The following ANKRD28 variants were observed in gnomAD, a reference collection of about 807,000 sequenced individuals.
ANKRD28 encodes the protein serine/threonine-protein phosphatase 6 regulatory ankyrin repeat subunit A.
A neutral mutation model predicts 126.5 loss-of-function variants in ANKRD28; 44 were observed. The observed-to-expected ratio is 0.35, with a 90% CI of 0.27 to 0.45. The LOEUF (loss-of-function observed/expected upper bound fraction) is 0.45, where lower values mean the gene tolerates loss of function less well. Ranked by LOEUF, ANKRD28 falls within the 20% of genes least tolerant of loss-of-function variation. The pLI, the probability that ANKRD28 is intolerant of heterozygous loss-of-function variation, is 1.00. For missense variants in ANKRD28, 1,110 were observed against 1,316.6 expected, an observed-to-expected ratio of 0.84 and a Z score of 2.43; for synonymous variants, 442 against 468.5, an observed-to-expected ratio of 0.94 and a Z score of 0.73.
In ANKRD28 at chr3:15,735,504, T is replaced by C. The variant is rs779401431; in HGVS notation, c.553-7A>G. 6.5e-7 allele frequency: 1 copy of C among 1,544,794 alleles called. No individual in the cohort carries two copies. Among genetic ancestry groups the C allele is most frequent in the Admixed American group, 2.0e-5 (1 of 50,724 alleles). ...ACAAGAGTAGTTTGACCATCTGGAATAGAAGTAAACACAGTGTCATCAAAA... is the reference window on the plus strand; with the variant it reads ...ACAAGAGTAGTTTGACCATCTGGAACAGAAGTAAACACAGTGTCATCAAAA... On this transcript the variant is annotated splice_region_variant and splice_polypyrimidine_tract_variant and intron_variant, in intron 5 of 27. Coordinates refer to ENST00000683139, the MANE Select transcript of ANKRD28 (RefSeq NM_001349278.2).
chr3:15,826,131 G>C (rs2061060899), intron 1 of ANKRD28, among the ~76,000 whole-genome samples: 1 of 152,150 alleles, frequency 6.6e-6, no homozygotes. Context: ...CATTATACTA[G>C]AATTTCTACA....
At chr3:15,676,808 T>C in intron 26 of ANKRD28, 166 bp downstream of exon 26, 1 of 507,692 alleles carries the variant, frequency 2.0e-6, no homozygotes, top group Non-Finnish European at 3.4e-6. Context: ...TAATATGGCT[T>C]TTAGTTGTGA....
At chr3:15,688,227 G>C (rs1652451823) in intron 18 of ANKRD28, among the ~76,000 whole-genome samples, 1 of 152,144 alleles carries the variant, frequency 6.6e-6, no homozygotes, top group South Asian at 2.1e-4. Flanking sequence ...AATTTTTCTA[G>C]CTATAGATTA....
chr3:15,853,494 G>C lies in ANKRD28; in HGVS notation c.27+5883C>G, dbSNP rs889027892. 1.3e-5 allele frequency among the ~76,000 whole-genome samples: 2 copies of C among 151,640 alleles called. No individual in the cohort carries two copies. The highest frequency in any genetic ancestry group is 2.9e-5 in the Non-Finnish European group (2 of 67,942). ...TTTTTGTTTTTTTGTTTTTGAGATG[G>C]AGTCTCATTCTGTCGCCCAGGCTGG... On this transcript the variant is annotated intron_variant, in intron 1 of 27. Coordinates refer to the ANKRD28 transcript ENST00000399451. This position sits in a 1 kb window ranked among gnomAD's most constrained non-coding sequence, Gnocchi z 4.2.
intron 1 of ANKRD28, among the ~76,000 whole-genome samples, chr3:15,844,416 G>A (rs1368286899): frequency 1.3e-5 from 2 of 151,742 alleles, no homozygotes. Flanking sequence ...AAAGAAGTGG[G>A]AGAACTGACA....
chr3:15,702,376 CT>C, intron 14 of ANKRD28, among the ~76,000 whole-genome samples: 1 of 152,140 alleles, frequency 6.6e-6, no homozygotes. Flanking sequence ...TCTGTATACT[CT>C]TTTTTCTGTT....
chr3:15,780,989 A>C (rs796687495), intron 2 of ANKRD28, among the ~76,000 whole-genome samples: 2 of 152,094 alleles, frequency 1.3e-5, no homozygotes, highest in African/African-American at 2.4e-5. Flanking sequence ...GGGAAGCACC[A>C]CAATACTGGT....
chr3:15,670,242 C>T lies in ANKRD28; in HGVS notation c.*28G>A. On this transcript the variant is annotated 3_prime_UTR_variant, in exon 28 of 28. Transcript: ENST00000683139. ...TGAAAAAGCACAGTTTGAAGCTTTA[C>T]TGTGAGAACTCCCTCCTCCTCAGCC... 1.2e-6 allele frequency: 2 copies of T among 1,604,146 alleles called. No homozygotes were observed. The highest frequency in any genetic ancestry group is 1.7e-6 in the Non-Finnish European group (2 of 1,172,430).
intron 21 of ANKRD28, among the ~76,000 whole-genome samples, chr3:15,681,278 G>C (rs1301041670): frequency 1.3e-5 from 2 of 152,132 alleles, no homozygotes; most frequent in Non-Finnish European, 2.9e-5. Context: ...GTCTGTACAT[G>C]TTCAGCCTAA....
intron 2 of ANKRD28, 23 bp downstream of exon 2, chr3:15,795,200 C>T (rs769164354): frequency 9.4e-6 from 14 of 1,485,804 alleles, no homozygotes; most frequent in Non-Finnish European, 1.3e-5. Context: ...TAAAGGCTGG[C>T]ATCAGTGAAT....
At chr3:15,821,054 T>C (rs758703136) in intron 1 of ANKRD28, among the ~76,000 whole-genome samples, 63 of 152,218 alleles carry the variant, frequency 4.1e-4, no homozygotes, top group Non-Finnish European at 7.8e-4. Flanking sequence ...CTCCTATCCA[T>C]TGCCGGATGT....
At chr3:15,720,765 G>T (rs2073642766) in intron 8 of ANKRD28, 150 bp downstream of exon 8, 2 of 736,524 alleles carry the variant, frequency 2.7e-6, no homozygotes, top group South Asian at 4.1e-5. Flanking sequence ...ATACTCTTGA[G>T]TAAGGCTTTC....
At chr3:15,690,253 T>C (rs1333159060) in intron 17 of ANKRD28, 33 bp from the exon 18 acceptor site, 4 of 1,507,222 alleles carry the variant, frequency 2.7e-6, no homozygotes, top group South Asian at 1.2e-5. Flanking sequence ...ATTTAAAACA[T>C]ACATATTTAG....
At chr3:15,671,231 C>G (rs2066305062) in intron 27 of ANKRD28, among the ~76,000 whole-genome samples, 1 of 152,238 alleles carries the variant, frequency 6.6e-6, no homozygotes. Flanking sequence ...AGACAACTGA[C>G]CTTAGTCGTA....
rs148913769 is a variant in ANKRD28, at chr3:15,817,034, A to G, written c.28-21728T>C. Among the ~76,000 whole-genome samples the G allele has an allele frequency of 6.6e-6, 1 of 152,284 alleles. No individual in the cohort carries two copies. The highest frequency in any genetic ancestry group is 1.9e-4 in the East Asian group (1 of 5,180). On this transcript the variant is annotated intron_variant, in intron 1 of 27. Transcript: ENST00000399451. The surrounding 1 kb of genome is among the most constrained non-coding windows in gnomAD (Gnocchi z 4.5). ...AACACAGCAAAACCCTGTCTCTGTA[A>G]GAAAACAAAACCAAAACCAAAAGAA...
At chr3:15,679,763 G>C (rs1257284039) in intron 21 of ANKRD28, among the ~76,000 whole-genome samples, 200 bp from the exon 22 acceptor site, 1 of 151,936 alleles carries the variant, frequency 6.6e-6, no homozygotes, top group Non-Finnish European at 1.5e-5. Flanking sequence ...ACAACTGCAC[G>C]CACAAAATAC....
chr3:15,679,744 T>C (rs1213070682), intron 21 of ANKRD28, among the ~76,000 whole-genome samples, 181 bp from the exon 22 acceptor site: 3 of 152,158 alleles, frequency 2.0e-5, no homozygotes, highest in Non-Finnish European at 4.4e-5. Flanking sequence ...TGAAAATTTC[T>C]AGGCATATAC....
intron 5 of ANKRD28, among the ~76,000 whole-genome samples, chr3:15,736,365 C>A (rs1326261751): frequency 6.6e-6 from 1 of 152,182 alleles, no homozygotes; most frequent in African/African-American, 2.4e-5. Context: ...GGTCCAGGAA[C>A]ATATCCTCTG....
chr3:15,827,749 A>G (rs2125925580), intron 1 of ANKRD28, among the ~76,000 whole-genome samples: 1 of 152,366 alleles, frequency 6.6e-6, no homozygotes, highest in African/African-American at 2.4e-5. Context: ...GGACTTTGTC[A>G]AAGTTTAAAA....
Sources: allele counts gnomAD v4.1 joint callset (sites outside exome capture counted in the v4.1 genomes callset), GRCh38; gene constraint gnomAD v4.1.1; non-coding constraint Gnocchi (gnomAD v3.1); transcripts MANE v1.5; gene names NCBI Gene and HGNC (gene_info 2026-07-23, HGNC 2026-07-21).